RPH3A: variants seen among roughly 807,000 people sequenced by gnomAD.
RPH3A encodes the protein rabphilin-3A.
A neutral mutation model predicts 102.2 loss-of-function variants in RPH3A; 48 were observed. The observed-to-expected ratio is 0.47, with a 90% confidence interval of 0.37 to 0.60. The LOEUF is 0.60. Ranked by LOEUF, RPH3A falls within the 20% of genes least tolerant of loss-of-function variation. RPH3A has a pLI of 0.00. For missense variants in RPH3A, 781 were observed against 910.1 expected (o/e 0.86, Z 1.83); for synonymous variants, 310 against 324.3 (o/e 0.96, Z 0.47).
chr12:112,608,614 C>T (rs548561784), intron 1 of RPH3A, among the ~76,000 whole-genome samples: 5 of 152,294 alleles, frequency 3.3e-5, no homozygotes, highest in Admixed American at 6.5e-5. Flanking sequence ...TCAGATGCCA[C>T]GACTTAAGAC....
At chr12:112,801,152 T>G (rs2041342717) in intron 2 of RPH3A, among the ~76,000 whole-genome samples, 1 of 152,098 alleles carries the variant, frequency 6.6e-6, no homozygotes, top group African/African-American at 2.4e-5. Context: ...ATGGAAGACG[T>G]GAGCTTCTGG....
intron 4 of RPH3A, chr12:112,841,959 T>C (rs2042155286): frequency 2.2e-6 from 1 of 455,998 alleles, no homozygotes; most frequent in African/African-American, 2.0e-5. Context: ...ACTAGGTTCA[T>C]GTTTGTGCAG....
In RPH3A at chr12:112,897,417, A is replaced by C. The variant is rs2043199535; in HGVS notation, c.*637A>C. 1 of 152,120 alleles carries C rather than the reference A, an allele frequency of 6.6e-6. No individual in the cohort carries two copies. Among genetic ancestry groups the C allele is most frequent in the African/African-American group, 2.4e-5 (1 of 41,380 alleles). 9.4% of individuals were successfully genotyped at this position (152,120 alleles called of 1,614,324 possible). A position where few individuals can be genotyped will look rare whatever the true frequency, so the allele number is the denominator to read the frequency against. The stretch of plus-strand genomic sequence containing the variant: ...GGCTTGGACGCTCTCCTCTTTCCGA[A>C]TGTCACCTGTGTGCTTCCTAGCAAA... On this transcript the variant is annotated 3_prime_UTR_variant, in exon 22 of 22. Coordinates refer to ENST00000389385, the MANE Select transcript of RPH3A (RefSeq NM_001143854.2).
At chr12:112,751,187 C>T (rs1170007202) in intron 1 of RPH3A, among the ~76,000 whole-genome samples, 3 of 152,206 alleles carry the variant, frequency 2.0e-5, no homozygotes, top group Non-Finnish European at 2.9e-5. Flanking sequence ...ACATGATTCA[C>T]ACACACATGC....
intron 1 of RPH3A, among the ~76,000 whole-genome samples, chr12:112,635,918 C>T (rs1258050372): frequency 6.6e-6 from 1 of 152,148 alleles, no homozygotes; most frequent in Non-Finnish European, 1.5e-5. Context: ...CCCATGTCAA[C>T]TTACAAAATC....
At chr12:112,850,296 T>A (rs1437225129) in intron 5 of RPH3A, among the ~76,000 whole-genome samples, 2 of 152,154 alleles carry the variant, frequency 1.3e-5, no homozygotes, top group African/African-American at 4.8e-5. Context: ...ACATGCTTAA[T>A]AAATAATGGC....
intron 4 of RPH3A, among the ~76,000 whole-genome samples, chr12:112,846,398 G>A (rs1043993237): frequency 1.3e-5 from 2 of 152,154 alleles, no homozygotes; most frequent in Non-Finnish European, 2.9e-5. Flanking sequence ...ATTTCCCCAG[G>A]CAGCGTCCTC....
chr12:112,714,660 G>A (rs930141013), intron 1 of RPH3A, among the ~76,000 whole-genome samples: 3 of 152,144 alleles, frequency 2.0e-5, no homozygotes, highest in African/African-American at 7.2e-5. Context: ...GCAGTAAAGA[G>A]AGCCTTTAAA....
At chr12:112,776,743 G>A (rs1163469838) in intron 1 of RPH3A, among the ~76,000 whole-genome samples, 2 of 151,616 alleles carry the variant, frequency 1.3e-5, no homozygotes, top group African/African-American at 2.4e-5. Context: ...GCGTGGTGGT[G>A]GGCGCCTGTA....
At position 112,794,615 on chromosome 12, in the gene RPH3A, T is replaced by C. The variant is rs551945619; in HGVS notation, c.-19+2352T>C. Among the ~76,000 whole-genome samples, 3 of 152,284 alleles carry C rather than the reference T, an allele frequency of 2.0e-5. No individual in the cohort carries two copies. The South Asian group carries it at 6.2e-4, about 32-fold the overall frequency. On this transcript the variant is annotated intron_variant, in intron 2 of 21. Coordinates refer to ENST00000389385, the MANE Select transcript of RPH3A (RefSeq NM_001143854.2). ...TTGGAGAGGCTCTGCTCTGAAAAGA[T>C]GCATATACACACAAACACACAACAT... is the stretch of plus-strand genomic sequence containing the variant.
At chr12:112,653,033 G>A (rs2039986419) in intron 1 of RPH3A, among the ~76,000 whole-genome samples, 1 of 152,240 alleles carries the variant, frequency 6.6e-6, no homozygotes, top group South Asian at 2.1e-4. Context: ...CTATAACACA[G>A]TTGTAAGTAT....
chr12:112,692,383 T>C (rs892369165), intron 1 of RPH3A, among the ~76,000 whole-genome samples: 2 of 152,226 alleles, frequency 1.3e-5, no homozygotes, highest in African/African-American at 4.8e-5. Flanking sequence ...GACTTTGAGC[T>C]GATCACTATA....
In RPH3A at chr12:112,879,217, G is replaced by T; in HGVS notation, c.1251+19G>T. On this transcript the variant is annotated intron_variant, in intron 14 of 21. Transcript: ENST00000389385. ...GGCCAAGGTGGGTGATGGGGACCAT[G>T]CAGGGAACCTCTCAGGATGCTCTGG... 1 of 1,606,336 alleles carries T rather than the reference G, an allele frequency of 6.2e-7. No individual in the cohort carries two copies. Among genetic ancestry groups the T allele is most frequent in the Non-Finnish European group, 8.5e-7 (1 of 1,173,908 alleles).
rs111867438 is a variant in RPH3A at position 112,817,798 on chromosome 12, G to A, written c.-18-10503G>A. Among the ~76,000 whole-genome samples, 66 of 152,256 alleles carry A rather than the reference G, an allele frequency of 4.3e-4. 1 individual carries two copies. Among genetic ancestry groups the A allele is most frequent in the African/African-American group, 1.6e-3 (65 of 41,534 alleles). On this transcript the variant is annotated intron_variant, in intron 2 of 21. Coordinates refer to ENST00000389385, the MANE Select transcript of RPH3A (RefSeq NM_001143854.2). ...ATTAGAAACACTTTCTGTCCTCCAA[G>A]GAGCTTGGATGGCAGTGCCTCTGAG...
chr12:112,813,072 C>G (rs1319924431), intron 2 of RPH3A, among the ~76,000 whole-genome samples: 1 of 152,158 alleles, frequency 6.6e-6, no homozygotes, highest in African/African-American at 2.4e-5. Context: ...TGTTATCATC[C>G]TTGTTTTTCT....
chr12:112,828,421 G>A (rs748390870), intron 3 of RPH3A, 32 bp downstream of exon 3: 3 of 1,520,522 alleles, frequency 2.0e-6, no homozygotes, highest in South Asian at 2.4e-5. Context: ...GGAGTGGCTT[G>A]TTTTGAGTCG....
intron 1 of RPH3A, among the ~76,000 whole-genome samples, chr12:112,602,062 G>A (rs1326200837): frequency 6.6e-6 from 1 of 152,138 alleles, no homozygotes; most frequent in Non-Finnish European, 1.5e-5. Context: ...TTGCTGAGGC[G>A]GGGCACACAA....
chr12:112,779,000 G>A (rs528751305), intron 1 of RPH3A, among the ~76,000 whole-genome samples: 13 of 152,194 alleles, frequency 8.5e-5, no homozygotes, highest in South Asian at 2.1e-4. Flanking sequence ...TTACCAGAAG[G>A]ACAATCAGGA....
intron 1 of RPH3A, among the ~76,000 whole-genome samples, chr12:112,692,909 C>T (rs746738851): frequency 3.9e-5 from 6 of 152,158 alleles, no homozygotes; most frequent in Non-Finnish European, 8.8e-5. Flanking sequence ...CTTGTCATGC[C>T]TGCTCCTGCC....
Sources: allele counts gnomAD v4.1 joint callset (sites outside exome capture counted in the v4.1 genomes callset), GRCh38; gene constraint gnomAD v4.1.1; transcripts MANE v1.5; gene names NCBI Gene and HGNC (gene_info 2026-07-23, HGNC 2026-07-21).